The following DLGAP1 variants were observed in gnomAD, a reference collection of about 807,000 sequenced individuals.
The protein encoded by DLGAP1 is DLG associated protein 1.
Under a neutral mutation model 90.8 loss-of-function variants are expected in DLGAP1, and 11 were observed. The observed-to-expected ratio is 0.12, with a 90% CI of 0.08 to 0.20. The LOEUF (loss-of-function observed/expected upper bound fraction) is 0.20. Ranked by LOEUF, DLGAP1 falls within the 10% of genes least tolerant of loss-of-function variation. The pLI, the probability that DLGAP1 is intolerant of heterozygous loss-of-function variation, is 1.00. For missense variants in DLGAP1, 1,050 were observed against 1,333.8 expected (o/e 0.79, Z 3.31); for synonymous variants, 558 against 540.7 (o/e 1.03, Z -0.44).
At chr18:4,104,266 C>A (rs2075824753) in intron 2 of DLGAP1, among the ~76,000 whole-genome samples, 2 of 152,010 alleles carry the variant, frequency 1.3e-5, no homozygotes. Context: ...TTGAAATATT[C>A]TATTATTTTA....
At chr18:4,171,852 T>C (rs979423771) in intron 1 of DLGAP1, among the ~76,000 whole-genome samples, 6 of 152,196 alleles carry the variant, frequency 3.9e-5, no homozygotes, top group Non-Finnish European at 8.8e-5. Flanking sequence ...TACATCCTTT[T>C]CACAAGTTCA....
intron 1 of DLGAP1, among the ~76,000 whole-genome samples, chr18:4,372,730 A>G (rs1598304866): frequency 1.3e-5 from 2 of 152,086 alleles, no homozygotes; most frequent in Non-Finnish European, 2.9e-5. Flanking sequence ...GGTTCGAGAC[A>G]AGCCTGGCCA....
chr18:3,963,542 T>C (rs2073251220), intron 3 of DLGAP1, among the ~76,000 whole-genome samples: 1 of 151,566 alleles, frequency 6.6e-6, no homozygotes. Flanking sequence ...GTTTTTATCC[T>C]TTACCTTTGA....
intron 7 of DLGAP1, among the ~76,000 whole-genome samples, chr18:3,637,353 C>T (rs1397852755): frequency 1.3e-5 from 2 of 152,042 alleles, no homozygotes; most frequent in African/African-American, 4.8e-5. Flanking sequence ...TGTTTGCCTT[C>T]TAGAAACACG....
At chr18:3,619,578 G>A (rs189809551) in intron 7 of DLGAP1, among the ~76,000 whole-genome samples, 23 of 152,178 alleles carry the variant, frequency 1.5e-4, no homozygotes, top group Admixed American at 1.1e-3. Context: ...TCTTCTAGCC[G>A]CCCTAGTCCT....
Position 3,707,403 on chromosome 18 carries a change from G to T in DLGAP1, c.1591+21732C>A, listed in dbSNP as rs770011275. 8.1e-4 allele frequency among the ~76,000 whole-genome samples: 123 copies of T among 152,100 alleles called. 4 individuals are homozygous for T. The Middle Eastern group carries it at 9.5e-3, about 12-fold the overall frequency. On this transcript the variant is annotated intron_variant, in intron 7 of 12. Transcript: ENST00000315677. The stretch of plus-strand genomic sequence containing the variant: ...ACTGGAGGTCAGCAGTTTGAGATCA[G>T]CCTGGCCAAAATGGTGAAAACCCAT...
rs60225266 is a variant in DLGAP1 at position 4,306,426 on chromosome 18, A to AGT, written c.-267+148578_-267+148579dup. On this transcript the variant is annotated intron_variant, in intron 1 of 12. Coordinates refer to ENST00000315677, the MANE Select transcript of DLGAP1 (RefSeq NM_004746.4). ...TGAGAATAAAAAAAGAGAAAGTAAG[A>AGT]GTGTGTGTGTGTGTGTGTGTGTGTG... Among the ~76,000 whole-genome samples, 378 of 130,438 alleles carry AGT rather than the reference A, an allele frequency of 2.9e-3. 1 individual carries two copies. The highest frequency in any genetic ancestry group is 7.6e-3 in the Middle Eastern group (2 of 264). 85.6% of individuals were successfully genotyped at this position (130,438 alleles called of 152,430 possible).
chr18:3,916,932 C>G lies in DLGAP1; in HGVS notation c.-72-36792G>C, dbSNP rs542247501. ...ATGGTTTGGTGTAGGATTTTTTTGA[C>G]TTTACGATGGTGCAAAAGCAATACA... is the stretch of plus-strand genomic sequence containing the variant. On this transcript the variant is annotated intron_variant, in intron 3 of 12. Coordinates refer to ENST00000315677, the MANE Select transcript of DLGAP1 (RefSeq NM_004746.4). Among the ~76,000 whole-genome samples the G allele has an allele frequency of 3.3e-5, 5 of 152,266 alleles. No homozygotes were observed. In the East Asian group the frequency reaches 9.6e-4, roughly 29 times the overall value.
At chr18:3,975,942 T>A (rs2073562840) in intron 3 of DLGAP1, among the ~76,000 whole-genome samples, 1 of 151,934 alleles carries the variant, frequency 6.6e-6, no homozygotes, top group Non-Finnish European at 1.5e-5. Flanking sequence ...GAAGTCAGTG[T>A]TTAAGGGGTG....
chr18:3,754,071 G>A (rs1383018693), intron 5 of DLGAP1, among the ~76,000 whole-genome samples: 7 of 152,260 alleles, frequency 4.6e-5, no homozygotes, highest in Admixed American at 1.3e-4. Context: ...CATGATCATG[G>A]CTCACTGCAG....
intron 1 of DLGAP1, among the ~76,000 whole-genome samples, chr18:4,203,185 G>T (rs2077642355): frequency 6.6e-6 from 1 of 151,472 alleles, no homozygotes; most frequent in Admixed American, 6.6e-5. Context: ...TGAGGCAGGA[G>T]ACTTGCTTGA....
intron 2 of DLGAP1, among the ~76,000 whole-genome samples, chr18:4,027,325 G>A (rs2074716662): frequency 6.6e-6 from 1 of 151,654 alleles, no homozygotes; most frequent in Non-Finnish European, 1.5e-5. Context: ...GGCCAAAATG[G>A]CAAAACCCCA....
chr18:3,534,411 A>G lies in DLGAP1; in HGVS notation c.2262T>C (p.Asp754=). The change falls in exon 10 of 13, where the codon GAT becomes GAC. Residue 754 remains aspartate (D), a synonymous_variant. Transcript: ENST00000315677. Reference sequence around the variant, plus strand: ...GGTCAAAATCCGTGTCAAAGTCATCATCGGCGGCACAGGCATGGTAATGGT... The same window carrying G: ...GGTCAAAATCCGTGTCAAAGTCATCGTCGGCGGCACAGGCATGGTAATGGT... ...SGNHYHACAA[D]DDFDTDFDPS... is the part of the protein sequence containing the mutation. 1 of 1,614,200 alleles carries G rather than the reference A, an allele frequency of 6.2e-7. No individual in the cohort carries two copies. The highest frequency in any genetic ancestry group is 8.5e-7 in the Non-Finnish European group (1 of 1,180,030).
intron 1 of DLGAP1, among the ~76,000 whole-genome samples, chr18:4,389,214 C>T (rs1248704567): frequency 3.9e-5 from 6 of 152,110 alleles, no homozygotes; most frequent in Non-Finnish European, 7.4e-5. Context: ...TGCTACAACA[C>T]GGATGAACCT....
chr18:3,783,720 A>G (rs914149475), intron 5 of DLGAP1, among the ~76,000 whole-genome samples: 4 of 152,188 alleles, frequency 2.6e-5, no homozygotes, highest in Non-Finnish European at 4.4e-5. Context: ...GTGAAGATAC[A>G]AAAAACCATT....
At chr18:3,501,949 G>GAAA (rs36071304) in intron 12 of DLGAP1, among the ~76,000 whole-genome samples, 3 of 109,372 alleles carry the variant, frequency 2.7e-5, no homozygotes, top group Admixed American at 9.7e-5. Flanking sequence ...AAACTGTTTT[G>GAAA]AAAAAAAAAA....
intron 4 of DLGAP1, among the ~76,000 whole-genome samples, chr18:3,833,228 T>G (rs2068162259): frequency 1.1e-5 from 1 of 91,174 alleles, no homozygotes; most frequent in African/African-American, 4.2e-5. Flanking sequence ...CTTCCTTCCT[T>G]CCTTCCTTCC....
At chr18:4,225,752 G>A (rs748991732) in intron 1 of DLGAP1, among the ~76,000 whole-genome samples, 18 of 151,924 alleles carry the variant, frequency 1.2e-4, no homozygotes, top group Non-Finnish European at 2.5e-4. Context: ...TATACACAGA[G>A]GAGATAAAAG....
chr18:4,287,324 A>G (rs1361931322), intron 1 of DLGAP1, among the ~76,000 whole-genome samples: 1 of 152,210 alleles, frequency 6.6e-6, no homozygotes, highest in Non-Finnish European at 1.5e-5. Context: ...AGAACCAGAA[A>G]TACCATTTGA....
Sources: allele counts gnomAD v4.1 joint callset (sites outside exome capture counted in the v4.1 genomes callset), GRCh38; gene constraint gnomAD v4.1.1; transcripts MANE v1.5; gene names NCBI Gene and HGNC (gene_info 2026-07-23, HGNC 2026-07-21).